WWOX: variants seen among roughly 807,000 people sequenced by gnomAD.
The protein encoded by WWOX is WW domain-containing oxidoreductase.
In WWOX, 69 loss-of-function variants were observed where a neutral mutation model predicts 46.2. The ratio of observed to expected loss-of-function variants is 1.49; its 90% CI spans 1.23 to 1.82. The LOEUF (loss-of-function observed/expected upper bound fraction) is 1.82. Among genes scored for constraint, WWOX ranks in the 40% most tolerant of loss-of-function variants. The pLI, the probability that WWOX is intolerant of heterozygous loss-of-function variation, is 0.00. For synonymous variants in WWOX, 359 were observed against 202.6 expected (o/e 1.77, Z -6.56); for missense variants, 919 against 542.6 (o/e 1.69, Z -6.89).
At chr16:78,110,741 G>T (rs905537475) in intron 3 of WWOX, among the ~76,000 whole-genome samples, 1 of 152,110 alleles carries the variant, frequency 6.6e-6, no homozygotes, top group African/African-American at 2.4e-5. Context: ...TCCCCACAGT[G>T]CCCTGAGAGG....
intron 6 of WWOX, among the ~76,000 whole-genome samples, chr16:78,393,860 G>A (rs11150074): frequency 0.58 from 88,641 of 151,754 alleles, 28,367 homozygotes; most frequent in Non-Finnish European, 0.74. Flanking sequence ...TTAAAAAAAA[G>A]GTTAAAATAA....
chr16:78,790,210 C>T (rs1181697135), intron 8 of WWOX, among the ~76,000 whole-genome samples: 1 of 152,068 alleles, frequency 6.6e-6, no homozygotes, highest in African/African-American at 2.4e-5. Flanking sequence ...GATCTCAGCT[C>T]ACTGCAACCT....
chr16:79,091,861 A>ACCT (rs1407302420), intron 8 of WWOX, among the ~76,000 whole-genome samples: 1 of 146,942 alleles, frequency 6.8e-6, no homozygotes, highest in Admixed American at 6.9e-5. Flanking sequence ...GCTCACTGCA[A>ACCT]CCTCCACTTC....
At chr16:78,971,473 A>AAG (rs1555505285) in intron 8 of WWOX, among the ~76,000 whole-genome samples, 6 of 136,700 alleles carry the variant, frequency 4.4e-5, no homozygotes, top group Admixed American at 2.2e-4. Flanking sequence ...AAAAAAAAAA[A>AAG]AGAGAGAGAT....
chr16:78,357,005 C>A (rs1466138994), intron 5 of WWOX, among the ~76,000 whole-genome samples: 1 of 152,190 alleles, frequency 6.6e-6, no homozygotes, highest in Non-Finnish European at 1.5e-5. Flanking sequence ...ACCTTTGCCT[C>A]AGTACTACTG....
intron 8 of WWOX, among the ~76,000 whole-genome samples, chr16:78,651,277 T>C (rs8048335): frequency 0.061 from 9,337 of 152,210 alleles, 320 homozygotes; most frequent in Non-Finnish European, 0.077. Flanking sequence ...AGAGAGCGAG[T>C]GAGTGCGAGC....
intron 5 of WWOX, chr16:78,179,772 C>G (rs945367218): frequency 2.6e-5 from 4 of 152,190 alleles, no homozygotes; most frequent in East Asian, 1.9e-4. Flanking sequence ...TGTCTAGGTT[C>G]AAACAGCAAC....
chr16:78,140,093 T>C (rs1451709274), intron 4 of WWOX, among the ~76,000 whole-genome samples: 1 of 152,176 alleles, frequency 6.6e-6, no homozygotes, highest in African/African-American at 2.4e-5. Flanking sequence ...GGATCCATAT[T>C]GTAGCCCCAG....
intron 5 of WWOX, chr16:78,280,898 C>A: frequency 6.5e-6 from 1 of 153,256 alleles, no homozygotes; most frequent in South Asian, 1.9e-4. Flanking sequence ...AAATCGGATT[C>A]ATCAAATGAA....
At chr16:79,123,889 C>A (rs1053100636) in intron 8 of WWOX, among the ~76,000 whole-genome samples, 1 of 152,110 alleles carries the variant, frequency 6.6e-6, no homozygotes, top group Non-Finnish European at 1.5e-5. Context: ...CAGGCAGCAT[C>A]GATGGAGGTT....
chr16:78,910,977 A>G (rs1378549764), intron 8 of WWOX, among the ~76,000 whole-genome samples: 1 of 152,074 alleles, frequency 6.6e-6, no homozygotes, highest in Non-Finnish European at 1.5e-5. Flanking sequence ...TGTGTTGTGC[A>G]CAATATATAT....
chr16:78,571,368 T>C (rs1472271095), intron 8 of WWOX, among the ~76,000 whole-genome samples: 2 of 150,450 alleles, frequency 1.3e-5, no homozygotes, highest in African/African-American at 4.9e-5. Flanking sequence ...ATTAAATGTG[T>C]ATATATATAT....
chr16:78,380,265 T>G (rs1236233262), intron 5 of WWOX, among the ~76,000 whole-genome samples: 1 of 152,128 alleles, frequency 6.6e-6, no homozygotes, highest in Non-Finnish European at 1.5e-5. Context: ...AGTGTGGACA[T>G]AATGGAATAT....
intron 8 of WWOX, among the ~76,000 whole-genome samples, chr16:79,096,648 A>G (rs896572971): frequency 6.6e-6 from 1 of 152,040 alleles, no homozygotes; most frequent in African/African-American, 2.4e-5. Context: ...CCATATTATC[A>G]TTGCCATCAA....
At chr16:78,967,206 A>T (rs529210550) in intron 8 of WWOX, among the ~76,000 whole-genome samples, 5 of 151,506 alleles carry the variant, frequency 3.3e-5, no homozygotes, top group Admixed American at 6.6e-5. Context: ...AAAGAGGAAA[A>T]TGCGTGATTC....
intron 8 of WWOX, among the ~76,000 whole-genome samples, chr16:78,869,999 G>GTC (rs538013252): frequency 1.1e-4 from 16 of 152,308 alleles, no homozygotes; most frequent in Middle Eastern, 3.4e-3. Context: ...ACAGATCAAA[G>GTC]TCTCTCCACT....
intron 8 of WWOX, among the ~76,000 whole-genome samples, chr16:78,854,423 G>A (rs2052521367): frequency 6.6e-6 from 1 of 152,180 alleles, no homozygotes; most frequent in Non-Finnish European, 1.5e-5. Flanking sequence ...GAGTTCAGGA[G>A]ATGAAGACTG....
chr16:78,348,689 C>A (rs2081135248), intron 5 of WWOX, among the ~76,000 whole-genome samples: 1 of 120,224 alleles, frequency 8.3e-6, no homozygotes, highest in African/African-American at 2.8e-5. Flanking sequence ...AACTCCTGAG[C>A]TCAAGAGATC....
At chr16:78,293,026 A>G (rs1173128936) in intron 5 of WWOX, among the ~76,000 whole-genome samples, 1 of 152,184 alleles carries the variant, frequency 6.6e-6, no homozygotes, top group Non-Finnish European at 1.5e-5. Context: ...CTCTTGGAGC[A>G]TTCTTGGCCT....
Sources: allele counts gnomAD v4.1 joint callset (sites outside exome capture counted in the v4.1 genomes callset), GRCh38; gene constraint gnomAD v4.1.1; transcripts MANE v1.5; gene names NCBI Gene and HGNC (gene_info 2026-07-23, HGNC 2026-07-21).